SOX5: variants seen among roughly 807,000 people sequenced by gnomAD.
The protein encoded by SOX5 is transcription factor SOX-5.
Under a neutral mutation model 92.0 loss-of-function variants are expected in SOX5, and 9 were observed. The observed-to-expected ratio is 0.10, with a 90% confidence interval of 0.06 to 0.17. The LOEUF is 0.17. Among genes scored for constraint, SOX5 ranks in the 10% least tolerant of loss-of-function variants. SOX5 has a pLI of 1.00. For synonymous variants in SOX5, 344 were observed against 336.3 expected (o/e 1.02, Z -0.25); for missense variants, 642 against 944.5 (o/e 0.68, Z 4.20).
At chr12:23,752,534 T>C (rs562318649) in intron 4 of SOX5, among the ~76,000 whole-genome samples, 46 of 151,956 alleles carry the variant, frequency 3.0e-4, no homozygotes, top group African/African-American at 1.1e-3. Flanking sequence ...TATCCTCAGG[T>C]GAGGTACCAA....
intron 3 of SOX5, among the ~76,000 whole-genome samples, chr12:24,219,608 A>G (rs531157107): frequency 1.4e-4 from 22 of 152,242 alleles, no homozygotes; most frequent in Admixed American, 1.3e-3. Context: ...TTTCATGATC[A>G]TAAGAGTTAT....
At chr12:24,162,001 G>C (rs754885683) in intron 4 of SOX5, among the ~76,000 whole-genome samples, 12 of 152,050 alleles carry the variant, frequency 7.9e-5, no homozygotes, top group Non-Finnish European at 1.8e-4. Context: ...CATTGGTAAG[G>C]AGAATTCTGG....
chr12:23,939,016 T>A (rs572684820), intron 1 of SOX5, among the ~76,000 whole-genome samples: 85 of 151,198 alleles, frequency 5.6e-4, no homozygotes, highest in African/African-American at 1.9e-3. Flanking sequence ...ATGCAGTAGC[T>A]TGCATTCAGA....
chr12:24,003,860 T>G (rs1715519069), intron 4 of SOX5, among the ~76,000 whole-genome samples: 1 of 151,574 alleles, frequency 6.6e-6, no homozygotes, highest in African/African-American at 2.4e-5. Context: ...AAAGGAAGAA[T>G]GAAATTGGAG....
chr12:24,001,139 A>G (rs2133344), intron 4 of SOX5, among the ~76,000 whole-genome samples: 139,155 of 152,168 alleles, frequency 0.91, 64,895 homozygotes, highest in South Asian at 1. Flanking sequence ...CACCCAGATT[A>G]GAGTGCAGTA....
At chr12:23,699,355 T>C (rs2090311919) in intron 6 of SOX5, among the ~76,000 whole-genome samples, 1 of 152,192 alleles carries the variant, frequency 6.6e-6, no homozygotes, top group Non-Finnish European at 1.5e-5. Context: ...GGCTTTCTAG[T>C]TGTTTATGAG....
At chr12:24,012,406 C>A (rs560010408) in intron 4 of SOX5, among the ~76,000 whole-genome samples, 2 of 152,060 alleles carry the variant, frequency 1.3e-5, no homozygotes, top group East Asian at 3.9e-4. Context: ...TCATATGACA[C>A]GGAAGTCCTA....
chr12:24,111,384 C>T (rs1029800895), intron 4 of SOX5, among the ~76,000 whole-genome samples: 1 of 152,168 alleles, frequency 6.6e-6, no homozygotes, highest in Non-Finnish European at 1.5e-5. Context: ...TCAACACTGT[C>T]AGATCTTGTG....
At chr12:24,259,395 C>T (rs546429966) in intron 3 of SOX5, among the ~76,000 whole-genome samples, 5 of 152,158 alleles carry the variant, frequency 3.3e-5, no homozygotes, top group Admixed American at 6.5e-5. Flanking sequence ...GAGCTATTAA[C>T]ACAGTTCAAT....
intron 4 of SOX5, among the ~76,000 whole-genome samples, chr12:24,209,129 T>C (rs190882863): frequency 3.9e-4 from 59 of 152,318 alleles, no homozygotes; most frequent in Admixed American, 1.3e-3. Context: ...AATATTTTGC[T>C]TCTAGTAATG....
chr12:24,368,295 C>T (rs1420845539), intron 2 of SOX5: 2 of 152,156 alleles, frequency 1.3e-5, no homozygotes, highest in Non-Finnish European at 2.9e-5. Context: ...GTAGGAAGTA[C>T]AGACATGTCT....
chr12:24,048,553 C>T (rs1189367960), intron 4 of SOX5, among the ~76,000 whole-genome samples: 1 of 152,072 alleles, frequency 6.6e-6, no homozygotes, highest in African/African-American at 2.4e-5. Flanking sequence ...TTCATAACCA[C>T]ATTATTTATA....
chr12:24,258,294 C>CAAAG (rs201752674), intron 3 of SOX5, among the ~76,000 whole-genome samples: 2,589 of 152,218 alleles, frequency 0.017, 47 homozygotes, highest in African/African-American at 0.053. Context: ...AACAAACAAA[C>CAAAG]AAACAAACAA....
chr12:24,040,381 T>G (rs1421845892), intron 4 of SOX5, among the ~76,000 whole-genome samples: 1 of 152,218 alleles, frequency 6.6e-6, no homozygotes, highest in Non-Finnish European at 1.5e-5. Flanking sequence ...CACTTATAAA[T>G]TCTAGTAAAT....
At position 24,417,594 on chromosome 12, in the gene SOX5, T is replaced by C. The variant is rs1348333688; in HGVS notation, c.-250-48955A>G. 2.6e-5 allele frequency among the ~76,000 whole-genome samples: 4 copies of C among 152,190 alleles called. No individual in the cohort carries two copies. In the East Asian group the frequency reaches 7.7e-4, roughly 29 times the overall value. On this transcript the variant is annotated intron_variant, in intron 1 of 4. Transcript: ENST00000446891. ...GAATTCCCAAAAGGTGACAGATGAC[T>C]TAACTGACAAATGAACTGAACAGAA...
chr12:24,350,533 G>T (rs574723266), intron 2 of SOX5, among the ~76,000 whole-genome samples: 1 of 152,114 alleles, frequency 6.6e-6, no homozygotes, highest in Non-Finnish European at 1.5e-5. Context: ...TTATAGAGAT[G>T]GGTTATTCCT....
intron 6 of SOX5, among the ~76,000 whole-genome samples, chr12:23,694,332 T>G (rs1384279264): frequency 6.6e-6 from 1 of 152,192 alleles, no homozygotes; most frequent in Non-Finnish European, 1.5e-5. Flanking sequence ...AAATATTAAC[T>G]CATTTATTGT....
At chr12:23,792,573 A>G (rs1006831697) in intron 3 of SOX5, among the ~76,000 whole-genome samples, 10 of 132,240 alleles carry the variant, frequency 7.6e-5, no homozygotes, top group Middle Eastern at 4.0e-3. Flanking sequence ...CAGTGAGCCG[A>G]GATCTTACCA....
At chr12:23,950,902 T>C, upstream of SOX5, 1 of 1,534,542 alleles carries the variant, frequency 6.5e-7, no homozygotes, top group Non-Finnish European at 8.7e-7. Flanking sequence ...GGCTGCCCCG[T>C]GCACCGCAGC....
Sources: allele counts gnomAD v4.1 joint callset (sites outside exome capture counted in the v4.1 genomes callset), GRCh38; gene constraint gnomAD v4.1.1; transcripts MANE v1.5; gene names NCBI Gene and HGNC (gene_info 2026-07-23, HGNC 2026-07-21).